Variants in GRIA1 observed in about 807,000 individuals in gnomAD.
GRIA1 encodes glutamate ionotropic receptor AMPA type subunit 1.
Under a neutral mutation model 99.2 loss-of-function variants are expected in GRIA1, and 31 were observed. The ratio of observed to expected loss-of-function variants is 0.31; its 90% CI spans 0.23 to 0.42. The LOEUF (loss-of-function observed/expected upper bound fraction) is 0.42. Among genes scored for constraint, GRIA1 ranks in the 10% least tolerant of loss-of-function variants. GRIA1 has a pLI of 1.00. For synonymous variants in GRIA1, 438 were observed against 432.4 expected (o/e 1.01, Z -0.16); for missense variants, 782 against 1,157.5 (o/e 0.68, Z 4.71).
intron 2 of GRIA1, among the ~76,000 whole-genome samples, chr5:153,529,518 T>A (rs1757909377): frequency 6.6e-6 from 1 of 152,176 alleles, no homozygotes. Flanking sequence ...ACAGTATAAG[T>A]TGGTCTCATC....
At chr5:153,567,408 G>C (rs1761733934) in intron 2 of GRIA1, among the ~76,000 whole-genome samples, 4 of 152,198 alleles carry the variant, frequency 2.6e-5, no homozygotes, top group Admixed American at 2.0e-4. Flanking sequence ...GCTTTAGGTA[G>C]ATTCACACTG....
At chr5:153,538,569 G>A in intron 2 of GRIA1, among the ~76,000 whole-genome samples, 1 of 152,112 alleles carries the variant, frequency 6.6e-6, no homozygotes, top group Non-Finnish European at 1.5e-5. Flanking sequence ...CTCTTAGTCA[G>A]CTCACAGGAC....
At chr5:153,639,857 C>T (rs1459363551) in intron 2 of GRIA1, among the ~76,000 whole-genome samples, 1 of 152,208 alleles carries the variant, frequency 6.6e-6, no homozygotes, top group Middle Eastern at 3.2e-3. Context: ...TAGGACCTCA[C>T]ATCCCCAGTG....
chr5:153,571,541 A>G (rs1341547094), intron 2 of GRIA1, among the ~76,000 whole-genome samples: 1 of 152,094 alleles, frequency 6.6e-6, no homozygotes, highest in Non-Finnish European at 1.5e-5. Flanking sequence ...TTTTTATTCA[A>G]CCACCTAAAA....
rs189243963 is a variant in GRIA1 at position 153,679,232 on chromosome 5, C to T, written c.1029+2071C>T. 3.0e-3 allele frequency among the ~76,000 whole-genome samples: 453 copies of T among 152,254 alleles called. 5 individuals are homozygous for T. Among genetic ancestry groups the T allele is most frequent in the South Asian group, 0.017 (83 of 4,826 alleles). On this transcript the variant is annotated intron_variant, in intron 7 of 15. Transcript: ENST00000285900. ...AAGCAAGGCCTGCGCTCAAGGAACT[C>T]CTGGCAGTGTCTATGGAGAAAAAGA...
intron 2 of GRIA1, among the ~76,000 whole-genome samples, chr5:153,508,337 A>C (rs142355991): frequency 6.6e-6 from 1 of 152,200 alleles, no homozygotes; most frequent in African/African-American, 2.4e-5. Context: ...TGACTGAGGA[A>C]CCAAATCTTT....
chr5:153,685,592 G>A (rs1401895238), intron 7 of GRIA1, among the ~76,000 whole-genome samples: 1 of 152,188 alleles, frequency 6.6e-6, no homozygotes, highest in Admixed American at 6.5e-5. Context: ...GATAAAAAAA[G>A]GGCAGAGATT....
chr5:153,517,271 C>T (rs1022732992), intron 2 of GRIA1, among the ~76,000 whole-genome samples: 4 of 152,158 alleles, frequency 2.6e-5, no homozygotes, highest in African/African-American at 9.7e-5. Flanking sequence ...CATCCAGATC[C>T]CCAGAGTGCC....
At chr5:153,702,992 G>T (rs1051040822) in intron 10 of GRIA1, among the ~76,000 whole-genome samples, 1 of 152,156 alleles carries the variant, frequency 6.6e-6, no homozygotes, top group African/African-American at 2.4e-5. Flanking sequence ...AGAGCAGCCC[G>T]GTCTGAGATC....
At chr5:153,689,429 T>C (rs1757578939) in intron 8 of GRIA1, among the ~76,000 whole-genome samples, 1 of 152,214 alleles carries the variant, frequency 6.6e-6, no homozygotes, top group Non-Finnish European at 1.5e-5. Flanking sequence ...ACATTGTATA[T>C]GAGTAGTTAT....
At chr5:153,692,736 T>C (rs1757850539) in intron 8 of GRIA1, among the ~76,000 whole-genome samples, 1 of 152,212 alleles carries the variant, frequency 6.6e-6, no homozygotes, top group South Asian at 2.1e-4. Flanking sequence ...ACCATATTTG[T>C]ATTTTTATTA....
intron 13 of GRIA1, among the ~76,000 whole-genome samples, chr5:153,786,859 T>C (rs1226193953): frequency 2.0e-5 from 3 of 152,156 alleles, no homozygotes; most frequent in African/African-American, 7.2e-5. Flanking sequence ...GGCACACTGG[T>C]TGAGAAAGTA....
chr5:153,640,137 C>T (rs1753683934), intron 2 of GRIA1, among the ~76,000 whole-genome samples: 1 of 152,180 alleles, frequency 6.6e-6, no homozygotes, highest in South Asian at 2.1e-4. Flanking sequence ...GTCTAAATTC[C>T]AGGACCAGTG....
At chr5:153,514,925 A>T (rs1756467191) in intron 2 of GRIA1, among the ~76,000 whole-genome samples, 1 of 152,216 alleles carries the variant, frequency 6.6e-6, no homozygotes. Flanking sequence ...CAGACCTCTT[A>T]GAATGGTATT....
At chr5:153,768,046 A>G (rs552336383) in intron 12 of GRIA1, among the ~76,000 whole-genome samples, 35 of 152,200 alleles carry the variant, frequency 2.3e-4, no homozygotes, top group Non-Finnish European at 5.0e-4. Flanking sequence ...CCATACTGTC[A>G]GGTCAAATTG....
chr5:153,760,855 G>C (rs192499739), intron 11 of GRIA1, among the ~76,000 whole-genome samples: 2 of 151,798 alleles, frequency 1.3e-5, no homozygotes, highest in African/African-American at 2.4e-5. Context: ...GAACAAAATA[G>C]ACAACCCAGA....
intron 2 of GRIA1, among the ~76,000 whole-genome samples, chr5:153,629,426 A>T (rs925331484): frequency 6.6e-6 from 1 of 152,202 alleles, no homozygotes; most frequent in Non-Finnish European, 1.5e-5. Context: ...CAGGTGGGAA[A>T]CGTCTGTGAT....
At chr5:153,496,390 T>G (rs931306337) in intron 2 of GRIA1, among the ~76,000 whole-genome samples, 2 of 152,242 alleles carry the variant, frequency 1.3e-5, no homozygotes, top group African/African-American at 4.8e-5. Context: ...AGCTATAAAC[T>G]GAAATAGATA....
chr5:153,742,772 T>C (rs1761898238), intron 11 of GRIA1, among the ~76,000 whole-genome samples: 1 of 152,234 alleles, frequency 6.6e-6, no homozygotes, highest in Admixed American at 6.5e-5. Context: ...TCTTCTTCTG[T>C]CTTACTCCTT....
Sources: allele counts gnomAD v4.1 joint callset (sites outside exome capture counted in the v4.1 genomes callset), GRCh38; gene constraint gnomAD v4.1.1; transcripts MANE v1.5; gene names NCBI Gene and HGNC (gene_info 2026-07-23, HGNC 2026-07-21).